The following SIK3 variants were observed in gnomAD, a reference collection of about 807,000 sequenced individuals.
The protein encoded by SIK3 is serine/threonine-protein kinase SIK3.
Under a neutral mutation model 144.2 loss-of-function variants are expected in SIK3, and 28 were observed. The observed-to-expected ratio is 0.19, with a 90% CI of 0.14 to 0.27. The LOEUF (loss-of-function observed/expected upper bound fraction) is 0.27. Among genes scored for constraint, SIK3 ranks in the 10% least tolerant of loss-of-function variants. SIK3 has a pLI of 1.00. For synonymous variants in SIK3, 686 were observed against 676.3 expected (o/e 1.01, Z -0.22); for missense variants, 1,319 against 1,776.0 (o/e 0.74, Z 4.62).
intron 1 of SIK3, among the ~76,000 whole-genome samples, chr11:116,999,623 G>A (rs1950784471): frequency 6.6e-6 from 1 of 151,746 alleles, no homozygotes; most frequent in Non-Finnish European, 1.5e-5. Context: ...CAGTAGAGAT[G>A]GGGTTTCACC....
intron 1 of SIK3, among the ~76,000 whole-genome samples, chr11:116,973,841 A>G (rs903640685): frequency 2.6e-5 from 4 of 152,208 alleles, no homozygotes; most frequent in African/African-American, 9.7e-5. Flanking sequence ...CCTGACCAGT[A>G]CTACTCAAAA....
intron 15 of SIK3, among the ~76,000 whole-genome samples, chr11:116,866,276 C>G (rs1261765751): frequency 2.0e-5 from 3 of 152,012 alleles, no homozygotes; most frequent in African/African-American, 7.2e-5. Flanking sequence ...CAGACAAGGG[C>G]TGAAACATTA....
At chr11:116,966,283 T>A (rs960813057) in intron 1 of SIK3, among the ~76,000 whole-genome samples, 11 of 152,156 alleles carry the variant, frequency 7.2e-5, no homozygotes, top group African/African-American at 2.7e-4. Context: ...GTAGTCCTAG[T>A]ACTCAGGAGA....
intron 6 of SIK3, among the ~76,000 whole-genome samples, chr11:116,883,923 G>A (rs1034417731): frequency 2.0e-5 from 3 of 151,452 alleles, no homozygotes; most frequent in Non-Finnish European, 4.4e-5. Flanking sequence ...GACAGAGTGA[G>A]ACTCTGTCTT....
chr11:116,947,562 TGTATGTA>T (rs1201431736), intron 3 of SIK3, among the ~76,000 whole-genome samples: 8 of 63,156 alleles, frequency 1.3e-4, no homozygotes, highest in African/African-American at 2.9e-4. Context: ...TATGTATGTA[TGTATGTA>T]TTTTTTTTTT....
At chr11:116,933,423 G>A (rs935926061) in intron 3 of SIK3, among the ~76,000 whole-genome samples, 1 of 152,196 alleles carries the variant, frequency 6.6e-6, no homozygotes, top group Admixed American at 6.5e-5. Context: ...ACAGGCGTGA[G>A]CCACTGCACC....
chr11:116,955,011 C>T (rs910025280), intron 2 of SIK3, among the ~76,000 whole-genome samples: 1 of 152,136 alleles, frequency 6.6e-6, no homozygotes, highest in African/African-American at 2.4e-5. Flanking sequence ...TTTTTATTTA[C>T]CCCAATATAT....
intron 1 of SIK3, among the ~76,000 whole-genome samples, chr11:116,984,818 A>G (rs1382351537): frequency 6.6e-6 from 1 of 152,188 alleles, no homozygotes; most frequent in Non-Finnish European, 1.5e-5. Context: ...AACTGAAGAA[A>G]TTAATAGCTT....
At chr11:117,003,601 G>C (rs538339462) in intron 1 of SIK3, among the ~76,000 whole-genome samples, 3 of 152,188 alleles carry the variant, frequency 2.0e-5, no homozygotes, top group Admixed American at 1.3e-4. Flanking sequence ...ACACAAGGTA[G>C]GCAACAAAGC....
At position 116,873,698 on chromosome 11, in the gene SIK3, C is replaced by G. The variant is rs187559453; in HGVS notation, c.1582-62G>C. ...TGAGGGGAAGGCGGGGAGAAAGGGGCAAGCCACTCATCTATGGAAATTAAG... is the reference window on the plus strand; with the variant it reads ...TGAGGGGAAGGCGGGGAGAAAGGGGGAAGCCACTCATCTATGGAAATTAAG... On this transcript the variant is annotated intron_variant, in intron 12 of 24. Transcript: ENST00000445177. 101 of 1,491,196 alleles carry G rather than the reference C, an allele frequency of 6.8e-5. 1 individual carries two copies. In the African/African-American group the frequency reaches 1.3e-3, roughly 20 times the overall value. The allele number at this position is 1,491,196 out of a possible 1,614,324, so 92.4% of individuals were successfully genotyped here.
chr11:116,958,739 G>A (rs932571951), intron 1 of SIK3, among the ~76,000 whole-genome samples: 1 of 152,186 alleles, frequency 6.6e-6, no homozygotes, highest in South Asian at 2.1e-4. Context: ...CTCACCAGCT[G>A]CTTGGTTTCC....
At chr11:116,998,961 C>A (rs1305258021) in intron 1 of SIK3, among the ~76,000 whole-genome samples, 1 of 152,036 alleles carries the variant, frequency 6.6e-6, no homozygotes, top group Admixed American at 6.6e-5. Context: ...ACTAAGTGAC[C>A]CATTTTGAGT....
At chr11:116,848,203 A>G (rs935501997) in intron 22 of SIK3, among the ~76,000 whole-genome samples, 2 of 56,006 alleles carry the variant, frequency 3.6e-5, no homozygotes, top group Admixed American at 2.9e-4. Context: ...CTAAAAATAC[A>G]AAAAAGGGTG....
intron 1 of SIK3, among the ~76,000 whole-genome samples, chr11:117,034,295 A>G (rs1206487645): frequency 6.6e-6 from 1 of 152,218 alleles, no homozygotes; most frequent in Non-Finnish European, 1.5e-5. Context: ...CCATTATTTG[A>G]AAACAGAGAC....
chr11:116,953,261 A>AT (rs1949016727), intron 3 of SIK3, among the ~76,000 whole-genome samples: 3 of 152,214 alleles, frequency 2.0e-5, no homozygotes, highest in Non-Finnish European at 4.4e-5. Context: ...GCAAGTGTTC[A>AT]TATTGATAAA....
At chr11:116,986,597 C>T (rs1369299068) in intron 1 of SIK3, among the ~76,000 whole-genome samples, 1 of 152,152 alleles carries the variant, frequency 6.6e-6, no homozygotes, top group Admixed American at 6.5e-5. Flanking sequence ...TGTCATGCAC[C>T]CAATCTTTCC....
intron 3 of SIK3, among the ~76,000 whole-genome samples, chr11:116,929,917 T>C (rs1227230688): frequency 6.6e-6 from 1 of 152,194 alleles, no homozygotes; most frequent in African/African-American, 2.4e-5. Flanking sequence ...TCACTGTTAA[T>C]GGTTCTGGTT....
At chr11:116,898,351 CA>C (rs1217163387) in intron 4 of SIK3, among the ~76,000 whole-genome samples, 1 of 152,088 alleles carries the variant, frequency 6.6e-6, no homozygotes, top group Non-Finnish European at 1.5e-5. Flanking sequence ...ATATGTGACA[CA>C]TTTTCTTAAT....
At chr11:117,004,351 C>A (rs1023222933) in intron 1 of SIK3, among the ~76,000 whole-genome samples, 3 of 151,914 alleles carry the variant, frequency 2.0e-5, no homozygotes, top group Non-Finnish European at 4.4e-5. Flanking sequence ...CCCATCTCTA[C>A]AAAAAATACA....
Sources: gnomAD v4.1 joint callset for allele counts (sites outside exome capture counted in the v4.1 genomes callset) on GRCh38, gnomAD v4.1.1 for gene constraint, MANE v1.5 for transcripts, NCBI Gene and HGNC (gene_info 2026-07-23, HGNC 2026-07-21) for gene names.